The following TRAPPC9 variants were observed in gnomAD, a reference collection of about 807,000 sequenced individuals.
TRAPPC9 encodes the protein trafficking protein particle complex subunit 9.
A neutral mutation model predicts 124.0 loss-of-function variants in TRAPPC9; 83 were observed. The ratio of observed to expected loss-of-function variants is 0.67; its 90% confidence interval spans 0.56 to 0.80. The LOEUF (loss-of-function observed/expected upper bound fraction) is 0.80. TRAPPC9 is among the 30% of genes least tolerant of loss of function. TRAPPC9 has a pLI of 0.00. For missense variants in TRAPPC9, 1,302 were observed against 1,508.3 expected (o/e 0.86, Z 2.27); for synonymous variants, 638 against 617.5 (o/e 1.03, Z -0.49).
intron 17 of TRAPPC9, chr8:140,099,711 TACTG>T (rs1162171037): frequency 1.3e-5 from 2 of 150,636 alleles, no homozygotes; most frequent in African/African-American, 4.9e-5. Context: ...ATCCACAGGG[TACTG>T]ACACCCGCCC....
At chr8:140,345,651 A>C (rs556347604) in intron 9 of TRAPPC9, among the ~76,000 whole-genome samples, 13 of 152,374 alleles carry the variant, frequency 8.5e-5, no homozygotes, top group African/African-American at 3.1e-4. Flanking sequence ...GACAGGCCCC[A>C]GTCACAGTTA....
chr8:140,458,103 G>C (rs1348628984), upstream of TRAPPC9, among the ~76,000 whole-genome samples: 5 of 133,326 alleles, frequency 3.8e-5, no homozygotes, highest in East Asian at 9.6e-4. Context: ...AGGGAGGAGG[G>C]AGGGAAAAAG....
chr8:140,161,110 G>C (rs2061744090), intron 17 of TRAPPC9, among the ~76,000 whole-genome samples: 1 of 152,166 alleles, frequency 6.6e-6, no homozygotes, highest in Non-Finnish European at 1.5e-5. Flanking sequence ...CTGGGACTCA[G>C]TGTTTCCATC....
Position 140,063,377 on chromosome 8 carries a change from G to T in TRAPPC9, c.2557-39298C>A, listed in dbSNP as rs977493452. Among the ~76,000 whole-genome samples, 1 of 152,130 alleles carries T rather than the reference G, an allele frequency of 6.6e-6. No homozygotes were observed. Among genetic ancestry groups the T allele is most frequent in the African/African-American group, 2.4e-5 (1 of 41,410 alleles). ...TTCTCACGTACCTTTCACGAGCCAGGTAACACGGTACTCACTTTGAGAAAT... is the reference window on the plus strand; with the variant it reads ...TTCTCACGTACCTTTCACGAGCCAGTTAACACGGTACTCACTTTGAGAAAT... On this transcript the variant is annotated intron_variant, in intron 17 of 22. Transcript: ENST00000438773. This position sits in a 1 kb window ranked among gnomAD's most constrained non-coding sequence, Gnocchi z 4.3.
chr8:139,745,876 G>A, intron 21 of TRAPPC9, among the ~76,000 whole-genome samples: 1 of 152,268 alleles, frequency 6.6e-6, no homozygotes, highest in African/African-American at 2.4e-5. Flanking sequence ...GTGGGCAGCA[G>A]CCCGCCTCCA....
At chr8:140,106,803 C>T (rs1045678707) in intron 17 of TRAPPC9, among the ~76,000 whole-genome samples, 1 of 152,178 alleles carries the variant, frequency 6.6e-6, no homozygotes, top group African/African-American at 2.4e-5. Context: ...AGGGCTTGAA[C>T]AGTGCCAAGC....
At chr8:140,414,253 G>C (rs576251276) in intron 5 of TRAPPC9, among the ~76,000 whole-genome samples, 1 of 152,264 alleles carries the variant, frequency 6.6e-6, no homozygotes, top group South Asian at 2.1e-4. Context: ...TAAAAAGAAG[G>C]CCAGGAGCAG....
chr8:140,301,677 G>C (rs928454822), intron 10 of TRAPPC9, among the ~76,000 whole-genome samples: 1 of 152,156 alleles, frequency 6.6e-6, no homozygotes, highest in African/African-American at 2.4e-5. Context: ...ATAAATCTAC[G>C]TGCTCCCCAC....
intron 17 of TRAPPC9, among the ~76,000 whole-genome samples, chr8:140,053,478 T>C (rs1167267033): frequency 6.6e-6 from 1 of 152,262 alleles, no homozygotes; most frequent in Non-Finnish European, 1.5e-5. Flanking sequence ...TGTGACCCAA[T>C]GTGTGATCTC....
At chr8:140,115,299 G>C (rs1422419913) in intron 17 of TRAPPC9, among the ~76,000 whole-genome samples, 1 of 147,528 alleles carries the variant, frequency 6.8e-6, no homozygotes, top group Non-Finnish European at 1.5e-5. Flanking sequence ...ATGGAGTCTT[G>C]CTCTGTCGCC....
chr8:140,075,981 G>A (rs968672009), intron 17 of TRAPPC9, among the ~76,000 whole-genome samples: 6 of 152,230 alleles, frequency 3.9e-5, no homozygotes, highest in African/African-American at 1.4e-4. Context: ...AACGAGAAGA[G>A]CAGTGCTAAT....
chr8:139,906,277 G>A (rs138214142), intron 20 of TRAPPC9, among the ~76,000 whole-genome samples: 176 of 152,282 alleles, frequency 1.2e-3, no homozygotes, highest in African/African-American at 4.1e-3. Flanking sequence ...CCCTGTGCCC[G>A]GCCAGTGCCC....
intron 20 of TRAPPC9, among the ~76,000 whole-genome samples, chr8:139,886,952 G>A (rs1228553042): frequency 6.6e-6 from 1 of 152,218 alleles, no homozygotes. Flanking sequence ...TTGCGAGAGA[G>A]AGGGAGCAGG....
At chr8:140,413,673 A>C (rs1172943864) in intron 5 of TRAPPC9, among the ~76,000 whole-genome samples, 2 of 84,842 alleles carry the variant, frequency 2.4e-5, no homozygotes, top group African/African-American at 4.8e-5. Flanking sequence ...CCCCCACCCC[A>C]CAACAGTCCT....
At chr8:140,255,979 C>G (rs1446162245) in intron 15 of TRAPPC9, among the ~76,000 whole-genome samples, 2 of 152,172 alleles carry the variant, frequency 1.3e-5, no homozygotes, top group Non-Finnish European at 2.9e-5. Flanking sequence ...ATCCAAAACT[C>G]AAAGTGGGAG....
At chr8:140,018,746 T>A (rs558910427) in intron 18 of TRAPPC9, among the ~76,000 whole-genome samples, 1 of 152,254 alleles carries the variant, frequency 6.6e-6, no homozygotes, top group East Asian at 1.9e-4. Flanking sequence ...TAATCATATG[T>A]ACCATACAAA....
intron 9 of TRAPPC9, among the ~76,000 whole-genome samples, chr8:140,336,092 T>G (rs974854996): frequency 4.0e-4 from 61 of 152,128 alleles, no homozygotes; most frequent in African/African-American, 1.4e-3. Context: ...CAACTCAAAT[T>G]ATTACTTTTG....
At chr8:140,143,149 T>C (rs531103444) in intron 17 of TRAPPC9, among the ~76,000 whole-genome samples, 2 of 152,322 alleles carry the variant, frequency 1.3e-5, no homozygotes, top group African/African-American at 4.8e-5. Flanking sequence ...CTGGTTAGCA[T>C]GCGTTTCCCT....
At chr8:139,802,808 G>A (rs1011413792) in intron 21 of TRAPPC9, among the ~76,000 whole-genome samples, 3 of 152,134 alleles carry the variant, frequency 2.0e-5, no homozygotes, top group East Asian at 3.8e-4. Flanking sequence ...AGGCATTAGC[G>A]GGGTGTGGAA....
Sources: gnomAD v4.1 joint callset for allele counts (sites outside exome capture counted in the v4.1 genomes callset) on GRCh38, gnomAD v4.1.1 for gene constraint, Gnocchi (gnomAD v3.1) non-coding constraint, MANE v1.5 for transcripts, NCBI Gene and HGNC (gene_info 2026-07-23, HGNC 2026-07-21) for gene names.